HS3ST4: variants seen among roughly 807,000 people sequenced by gnomAD.
The protein encoded by HS3ST4 is heparan sulfate-glucosamine 3-sulfotransferase 4.
In HS3ST4, 17 loss-of-function variants were observed where a neutral mutation model predicts 29.2. That is an observed-to-expected ratio of 0.58 (90% CI 0.40 to 0.87). The LOEUF (loss-of-function observed/expected upper bound fraction) is 0.87. Ranked by LOEUF, HS3ST4 falls within the 40% of genes least tolerant of loss-of-function variation. The pLI is 0.00. For synonymous variants in HS3ST4, 314 were observed against 285.7 expected, an observed-to-expected ratio of 1.10 and a Z score of -1.00; for missense variants, 627 against 634.5, an observed-to-expected ratio of 0.99 and a Z score of 0.13.
At chr16:25,942,004 A>T (rs1968576909) in intron 1 of HS3ST4, among the ~76,000 whole-genome samples, 1 of 152,122 alleles carries the variant, frequency 6.6e-6, no homozygotes, top group African/African-American at 2.4e-5. Context: ...TTGTTTAATG[A>T]CTCAACAAAG....
chr16:25,703,032 G>A (rs975731670), intron 1 of HS3ST4, among the ~76,000 whole-genome samples: 4 of 152,118 alleles, frequency 2.6e-5, no homozygotes, highest in African/African-American at 9.7e-5. Flanking sequence ...GGTGATGCGT[G>A]CCTGTAATCC....
intron 1 of HS3ST4, among the ~76,000 whole-genome samples, chr16:25,992,837 C>T (rs1969125984): frequency 6.6e-6 from 1 of 152,234 alleles, no homozygotes; most frequent in Non-Finnish European, 1.5e-5. Context: ...GCCACACTTG[C>T]TCCAGCACTT....
intron 1 of HS3ST4, among the ~76,000 whole-genome samples, chr16:25,914,745 AG>A (rs1465747799): frequency 6.6e-6 from 1 of 151,690 alleles, no homozygotes; most frequent in Non-Finnish European, 1.5e-5. Context: ...GAGAGCTGAA[AG>A]GCAGCGGAGG....
intron 1 of HS3ST4, among the ~76,000 whole-genome samples, chr16:25,959,854 G>T (rs1968776853): frequency 6.6e-6 from 1 of 152,116 alleles, no homozygotes; most frequent in African/African-American, 2.4e-5. Context: ...TGAGTCTGGG[G>T]TCGGGCGCAG....
intron 1 of HS3ST4, among the ~76,000 whole-genome samples, chr16:25,822,401 G>A (rs1181275362): frequency 6.6e-6 from 1 of 152,112 alleles, no homozygotes; most frequent in African/African-American, 2.4e-5. Context: ...ACCTCGGGGA[G>A]TTGGATTTCA....
intron 1 of HS3ST4, among the ~76,000 whole-genome samples, chr16:25,864,740 A>G (rs1260957194): frequency 6.6e-6 from 1 of 152,040 alleles, no homozygotes; most frequent in African/African-American, 2.4e-5. Context: ...TTGTGGCTGA[A>G]TAATATTCCA....
chr16:26,073,253 T>C (rs7200234), intron 1 of HS3ST4, among the ~76,000 whole-genome samples: 109,329 of 152,174 alleles, frequency 0.72, 39,546 homozygotes, highest in Middle Eastern at 0.79. Context: ...ACATTGGATA[T>C]TAGTGTCAAT....
chr16:26,113,846 A>C (rs1174233626), intron 1 of HS3ST4, among the ~76,000 whole-genome samples: 1 of 152,036 alleles, frequency 6.6e-6, no homozygotes, highest in Non-Finnish European at 1.5e-5. Context: ...GATAGATGCA[A>C]TGGTAGTAGT....
intron 1 of HS3ST4, among the ~76,000 whole-genome samples, chr16:25,987,595 A>G (rs954028068): frequency 6.6e-6 from 1 of 152,120 alleles, no homozygotes; most frequent in African/African-American, 2.4e-5. Context: ...GGCCACATGC[A>G]TTCCTGTCTT....
intron 1 of HS3ST4, among the ~76,000 whole-genome samples, chr16:26,131,082 A>T (rs2141816021): frequency 6.6e-6 from 1 of 152,216 alleles, no homozygotes. Flanking sequence ...TTGCACATAC[A>T]TCCCACCCAT....
chr16:26,112,449 C>T (rs1899145324), intron 1 of HS3ST4, among the ~76,000 whole-genome samples: 1 of 145,396 alleles, frequency 6.9e-6, no homozygotes. Context: ...GTGACACGAC[C>T]TTGGCCCACC....
At chr16:25,731,779 A>G (rs1397095115) in intron 1 of HS3ST4, among the ~76,000 whole-genome samples, 1 of 152,216 alleles carries the variant, frequency 6.6e-6, no homozygotes, top group Non-Finnish European at 1.5e-5. Flanking sequence ...TTTATAACAC[A>G]CTGCCACAGT....
chr16:25,717,260 T>C (rs1183911345), intron 1 of HS3ST4, among the ~76,000 whole-genome samples: 1 of 152,146 alleles, frequency 6.6e-6, no homozygotes, highest in Non-Finnish European at 1.5e-5. Context: ...GCAGAAGCAA[T>C]GGATTCTTGT....
Position 25,777,201 on chromosome 16 carries a change from C to A in HS3ST4, c.734+84050C>A, listed in dbSNP as rs540429112. Among the ~76,000 whole-genome samples, 3 of 152,332 alleles carry A rather than the reference C, an allele frequency of 2.0e-5. No homozygotes were observed. The South Asian group carries it at 6.2e-4, about 32-fold the overall frequency. On this transcript the variant is annotated intron_variant, in intron 1 of 1. Transcript: ENST00000331351. ...TGAGTGACTCATGTTGGAATCGATA[C>A]CACCTTAGAATTAACATTGCCTATC... is the stretch of plus-strand genomic sequence containing the variant.
At chr16:25,966,194 G>T (rs537795147) in intron 1 of HS3ST4, among the ~76,000 whole-genome samples, 2 of 152,236 alleles carry the variant, frequency 1.3e-5, no homozygotes, top group Non-Finnish European at 2.9e-5. Context: ...ACATGGCCAA[G>T]GTCATATGGC....
chr16:25,933,429 A>G (rs756272841), intron 1 of HS3ST4: 1 of 512,540 alleles, frequency 2.0e-6, no homozygotes, highest in Non-Finnish European at 3.9e-6. Context: ...TTTGAAGTGA[A>G]GTTTAGCACT....
chr16:25,895,192 C>T (rs76130948), intron 1 of HS3ST4, among the ~76,000 whole-genome samples: 1 of 151,818 alleles, frequency 6.6e-6, no homozygotes, highest in Non-Finnish European at 1.5e-5. Flanking sequence ...TGTGGCAGTT[C>T]TGGACCATGG....
chr16:26,051,696 C>T (rs1458778712), intron 1 of HS3ST4, among the ~76,000 whole-genome samples: 1 of 151,046 alleles, frequency 6.6e-6, no homozygotes, highest in Non-Finnish European at 1.5e-5. Context: ...TTCCCTCCCT[C>T]TCTTTTGGTC....
intron 1 of HS3ST4, among the ~76,000 whole-genome samples, chr16:25,981,599 TGGTGGA>T (rs2141722711): frequency 7.4e-6 from 1 of 134,588 alleles, no homozygotes; most frequent in South Asian, 2.5e-4. Flanking sequence ...GCTGATGTAA[TGGTGGA>T]GTTCTTTTTT....
Sources: gnomAD v4.1 joint callset for allele counts (sites outside exome capture counted in the v4.1 genomes callset) on GRCh38, gnomAD v4.1.1 for gene constraint, MANE v1.5 for transcripts, NCBI Gene and HGNC (gene_info 2026-07-23, HGNC 2026-07-21) for gene names.